Variants in DNAJC1 observed in about 807,000 individuals in gnomAD.
The protein encoded by DNAJC1 is DnaJ heat shock protein family (Hsp40) member C1.
DNAJC1 carries 58 observed loss-of-function variants against 76.6 expected under a neutral mutation model. The ratio of observed to expected loss-of-function variants is 0.76; its 90% CI spans 0.61 to 0.94. The LOEUF (loss-of-function observed/expected upper bound fraction) is 0.94. Ranked by LOEUF, DNAJC1 falls within the 40% of genes least tolerant of loss-of-function variation. DNAJC1 has a pLI of 0.00. For missense variants in DNAJC1, 689 were observed against 677.3 expected (o/e 1.02, Z -0.19); for synonymous variants, 258 against 267.9 (o/e 0.96, Z 0.36).
chr10:21,842,446 T>A (rs990702335), intron 8 of DNAJC1, among the ~76,000 whole-genome samples: 1 of 152,140 alleles, frequency 6.6e-6, no homozygotes, highest in African/African-American at 2.4e-5. Flanking sequence ...AGAAGTTTTT[T>A]AAAAAGCGTA....
At chr10:21,778,032 T>C (rs527501622) in intron 9 of DNAJC1, among the ~76,000 whole-genome samples, 1 of 152,088 alleles carries the variant, frequency 6.6e-6, no homozygotes, top group East Asian at 1.9e-4. Context: ...TATTAAAAAA[T>C]ACAAAAATTA....
intron 8 of DNAJC1, among the ~76,000 whole-genome samples, chr10:21,852,763 T>C (rs1476828547): frequency 6.6e-6 from 1 of 152,160 alleles, no homozygotes; most frequent in East Asian, 1.9e-4. Context: ...CCCACTTTTT[T>C]TTTTTTTAGG....
At chr10:21,983,964 A>C (rs953192423) in intron 1 of DNAJC1, among the ~76,000 whole-genome samples, 1 of 152,182 alleles carries the variant, frequency 6.6e-6, no homozygotes, top group Non-Finnish European at 1.5e-5. Flanking sequence ...AAAAAACAAA[A>C]AAGCAGTTTA....
intron 1 of DNAJC1, 85 bp downstream of exon 1, chr10:22,003,128 C>A (rs1838550194): frequency 1.8e-5 from 25 of 1,370,010 alleles, no homozygotes; most frequent in Non-Finnish European, 2.2e-5. Context: ...CCCTGCCCTA[C>A]GTGTCCGGCT....
intron 8 of DNAJC1, among the ~76,000 whole-genome samples, chr10:21,842,437 G>A (rs959335528): frequency 6.6e-6 from 1 of 152,154 alleles, no homozygotes. Flanking sequence ...TGTAAAACAA[G>A]AAGTTTTTTA....
intron 9 of DNAJC1, among the ~76,000 whole-genome samples, chr10:21,803,623 G>GTA (rs1279511130): frequency 1.4e-5 from 2 of 146,292 alleles, no homozygotes; most frequent in African/African-American, 2.5e-5. Context: ...GTGTGTGTGT[G>GTA]TATGTATGTG....
chr10:21,951,304 A>G (rs1837591352), intron 1 of DNAJC1, among the ~76,000 whole-genome samples: 1 of 151,898 alleles, frequency 6.6e-6, no homozygotes, highest in Non-Finnish European at 1.5e-5. Context: ...TGGGTGACAG[A>G]GCGAGATCCA....
intron 8 of DNAJC1, among the ~76,000 whole-genome samples, chr10:21,813,738 G>A (rs1046492536): frequency 6.6e-6 from 1 of 152,178 alleles, no homozygotes; most frequent in Non-Finnish European, 1.5e-5. Context: ...CCTCCTCAGA[G>A]GAATGGGTAG....
chr10:21,993,900 C>T (rs561736073), intron 1 of DNAJC1, among the ~76,000 whole-genome samples: 101 of 152,006 alleles, frequency 6.6e-4, no homozygotes, highest in Non-Finnish European at 1.0e-3. Flanking sequence ...TTTTATCCTG[C>T]GGGCAAACTT....
In DNAJC1 at chr10:21,919,837, AT is replaced by A. The variant is rs767116339; in HGVS notation, c.629del (p.Asn210MetfsTer5). The A allele has an allele frequency of 1.2e-6, 2 of 1,600,830 alleles. No individual in the cohort carries two copies. Among genetic ancestry groups the A allele is most frequent in the Non-Finnish European group, 8.5e-7 (1 of 1,175,524 alleles). ...GTATTTTTATATGCTCTCACCTTTC[AT>A]TTTTTTCTGAAGCACCGAGTTTTGA... ...DVSKLGASEK[N>X]ERLLMKPQWH... On this transcript the variant is annotated frameshift_variant, in exon 5 of 12. Coordinates refer to ENST00000376980, the MANE Select transcript of DNAJC1 (RefSeq NM_022365.4). LOFTEE classifies it high-confidence loss of function.
chr10:21,985,557 T>C lies in DNAJC1; in HGVS notation c.222+17656A>G, dbSNP rs541839267. On this transcript the variant is annotated intron_variant, in intron 1 of 11. Coordinates refer to ENST00000376980, the MANE Select transcript of DNAJC1 (RefSeq NM_022365.4). Reference sequence around the variant, plus strand: ...TGCCACCGTGCCCAGCCACCTGCTTTCCATCTCTATATATTATTTGCCTTT... The same window carrying C: ...TGCCACCGTGCCCAGCCACCTGCTTCCCATCTCTATATATTATTTGCCTTT... Among the ~76,000 whole-genome samples the C allele has an allele frequency of 4.6e-5, 7 of 152,278 alleles. No homozygotes were observed. The South Asian group carries it at 1.2e-3, about 27-fold the overall frequency.
In DNAJC1 at chr10:21,836,963, C is replaced by T. The variant is rs988611983; in HGVS notation, c.979-30864G>A. Among the ~76,000 whole-genome samples, 30 of 152,216 alleles carry T rather than the reference C, an allele frequency of 2.0e-4. No homozygotes were observed. In the South Asian group the frequency reaches 2.1e-3, roughly 10 times the overall value. The stretch of plus-strand genomic sequence containing the variant: ...CCACGGTCTCCCTCTGATGCCGAGC[C>T]GAAGCTAGACTGTACTGCTGCCATC... On this transcript the variant is annotated intron_variant, in intron 8 of 11. Coordinates refer to ENST00000376980, the MANE Select transcript of DNAJC1 (RefSeq NM_022365.4).
At chr10:21,934,438 G>T (rs1056744105) in intron 1 of DNAJC1, among the ~76,000 whole-genome samples, 5 of 152,052 alleles carry the variant, frequency 3.3e-5, no homozygotes, top group Non-Finnish European at 7.4e-5. Context: ...AGTGTACAGT[G>T]TTTATACTAT....
chr10:21,904,949 T>C (rs1053510841), intron 6 of DNAJC1, among the ~76,000 whole-genome samples: 10 of 152,168 alleles, frequency 6.6e-5, no homozygotes, highest in Admixed American at 2.0e-4. Context: ...GCTGAACTGA[T>C]TTGGCACAGT....
intron 1 of DNAJC1, among the ~76,000 whole-genome samples, chr10:21,994,409 CTCAT>C (rs1267464170): frequency 2.0e-5 from 3 of 152,292 alleles, no homozygotes; most frequent in Admixed American, 2.0e-4. Flanking sequence ...TAAAAAGTCA[CTCAT>C]TGATTGTGTA....
At chr10:21,988,956 C>T (rs1411779721) in intron 1 of DNAJC1, among the ~76,000 whole-genome samples, 2 of 152,120 alleles carry the variant, frequency 1.3e-5, no homozygotes, top group Non-Finnish European at 2.9e-5. Context: ...ATAACAGGGA[C>T]ATATATGTCA....
intron 7 of DNAJC1, among the ~76,000 whole-genome samples, chr10:21,889,682 G>A (rs1836428656): frequency 1.3e-5 from 2 of 152,074 alleles, no homozygotes; most frequent in African/African-American, 4.8e-5. Flanking sequence ...CAGACTTGGT[G>A]CTGCAGAAAC....
At chr10:21,879,943 C>CTACA (rs766854955) in intron 8 of DNAJC1, among the ~76,000 whole-genome samples, 2 of 152,194 alleles carry the variant, frequency 1.3e-5, no homozygotes, top group East Asian at 1.9e-4. Context: ...AAATATTTCT[C>CTACA]TGTAGCATGT....
chr10:21,873,367 C>T (rs901743361), intron 8 of DNAJC1, among the ~76,000 whole-genome samples: 2 of 151,946 alleles, frequency 1.3e-5, no homozygotes, highest in Non-Finnish European at 2.9e-5. Flanking sequence ...ATACTGAATG[C>T]CCCAAAGAAG....
Sources: gnomAD v4.1 joint callset for allele counts (sites outside exome capture counted in the v4.1 genomes callset) on GRCh38, gnomAD v4.1.1 for gene constraint, MANE v1.5 for transcripts, NCBI Gene and HGNC (gene_info 2026-07-23, HGNC 2026-07-21) for gene names.